The following GSTM4 variants were observed in gnomAD, a reference collection of about 807,000 sequenced individuals.
GSTM4 encodes the protein GST class-mu 4.
Under a neutral mutation model 30.1 loss-of-function variants are expected in GSTM4, and 27 were observed. The observed-to-expected ratio is 0.90, with a 90% CI of 0.66 to 1.24. The LOEUF (loss-of-function observed/expected upper bound fraction) is 1.24. GSTM4 is among the 50% of genes most tolerant of loss of function. GSTM4 has a pLI of 0.00. For missense variants in GSTM4, 238 were observed against 272.1 expected (o/e 0.87, Z 0.88); for synonymous variants, 94 against 96.2 (o/e 0.98, Z 0.13).
rs1317019065 is a variant in GSTM4 at position 109,656,371 on chromosome 1, A to G, written c.-19A>G. ...AGCCCAGCTGAGGCCTGTCTGCAGAATCGACACCAACCAGCATCATGTCCA... is the reference window on the plus strand; with the variant it reads ...AGCCCAGCTGAGGCCTGTCTGCAGAGTCGACACCAACCAGCATCATGTCCA... On this transcript the variant is annotated 5_prime_UTR_variant, in exon 1 of 8. Transcript: ENST00000369836. The G allele has an allele frequency of 8.1e-6, 13 of 1,611,114 alleles. No homozygotes were observed. Among genetic ancestry groups the G allele is most frequent in the Non-Finnish European group, 1.1e-5 (13 of 1,177,922 alleles).
Position 109,661,300 on chromosome 1 carries a change from T to C in GSTM4, c.*46T>C. The C allele has an allele frequency of 6.2e-7, 1 of 1,612,616 alleles. No homozygotes were observed. Among genetic ancestry groups the C allele is most frequent in the Non-Finnish European group, 8.5e-7 (1 of 1,179,262 alleles). ...GGGAGTGAGGAGCCCATACTCAGCC[T>C]GCTGCCCAGGCTGTGCAGCGCAGCT... is the stretch of plus-strand genomic sequence containing the variant. On this transcript the variant is annotated 3_prime_UTR_variant, in exon 8 of 8. Coordinates refer to ENST00000369836, the MANE Select transcript of GSTM4 (RefSeq NM_000850.5).
In GSTM4 at chr1:109,658,800, G is replaced by C; in HGVS notation, c.361-14G>C. 1 of 1,601,076 alleles carries C rather than the reference G, an allele frequency of 6.2e-7. No individual in the cohort carries two copies. Among genetic ancestry groups the C allele is most frequent in the South Asian group, 1.1e-5 (1 of 90,794 alleles). ...CTTGTGTCTGAGGGTGGTGACAGCT[G>C]TTTTCTGCCTCAGGAGAAACTGAAG... On this transcript the variant is annotated splice_polypyrimidine_tract_variant and intron_variant, in intron 5 of 7. Coordinates refer to ENST00000369836, the MANE Select transcript of GSTM4 (RefSeq NM_000850.5).
At position 109,657,786 on chromosome 1, in the gene GSTM4, G is replaced by A. The variant is rs775301500; in HGVS notation, c.274G>A (p.Glu92Lys). Residue 92 changes from glutamate (E) to lysine (K), a missense_variant, in exon 5 of 8, where the codon GAG becomes AAG. By Grantham distance (56) the Glu-to-Lys change is moderately conservative. Transcript: ENST00000369836. ...GTGGGTGGCAGGTGGGGAGACAGAA[G>A]AGGAGAAGATTCGTGTGGACATTTT... ...RKHNLCGETE[E>K]EKIRVDILEN... 10 of 1,614,064 alleles carry A rather than the reference G, an allele frequency of 6.2e-6. No homozygotes were observed. The highest frequency in any genetic ancestry group is 1.3e-5 in the African/African-American group (1 of 74,930).
At chr1:109,657,488 G>A in intron 3 of GSTM4, 102 bp from the exon 4 acceptor site, 1 of 1,547,244 alleles carries the variant, frequency 6.5e-7, no homozygotes, top group Non-Finnish European at 8.9e-7. Flanking sequence ...CCATGAGCGG[G>A]CACAGTGAGT....
chr1:109,658,220 A>T (rs1652125870), intron 5 of GSTM4: 1 of 328,094 alleles, frequency 3.0e-6, no homozygotes, highest in Non-Finnish European at 5.7e-6. Flanking sequence ...GGGGTAAAGA[A>T]GTATGTAGTG....
At chr1:109,659,514 C>G in intron 7 of GSTM4, 1 of 686,704 alleles carries the variant, frequency 1.5e-6, no homozygotes, top group East Asian at 3.2e-5. Context: ...TTGGAAGAGG[C>G]AGAGAACTTT....
downstream of GSTM4, among the ~76,000 whole-genome samples, chr1:109,663,596 C>T (rs1274358138): frequency 6.6e-6 from 1 of 151,782 alleles, no homozygotes; most frequent in South Asian, 2.1e-4. Flanking sequence ...ACCCAGGAGG[C>T]AGAGGTTGCA....
At chr1:109,658,570 G>A in intron 5 of GSTM4, 1 of 524,582 alleles carries the variant, frequency 1.9e-6, no homozygotes, top group South Asian at 2.4e-5. Flanking sequence ...GGGTGGTTGG[G>A]AGGTCAGTGG....
chr1:109,663,521 C>T (rs970250331), downstream of GSTM4, among the ~76,000 whole-genome samples: 1 of 152,108 alleles, frequency 6.6e-6, no homozygotes, highest in African/African-American at 2.4e-5. Context: ...CAAAAATCAG[C>T]CAGGCGTGGT....
Position 109,656,790 on chromosome 1 carries a change from A to G in GSTM4, c.112+3A>G, listed in dbSNP as rs1472821156. 1.9e-6 allele frequency: 3 copies of G among 1,613,294 alleles called. No homozygotes were observed. The African/African-American group carries it at 4.0e-5, about 22-fold the overall frequency. ...AAAGAAGTATACGATGGGGGACGGT[A>G]ATGACACCCTTGTGTCCGGGCTCTG... is the stretch of plus-strand genomic sequence containing the variant. On this transcript the variant is annotated splice_donor_region_variant and intron_variant, in intron 2 of 7. Coordinates refer to ENST00000369836, the MANE Select transcript of GSTM4 (RefSeq NM_000850.5).
At chr1:109,664,293 A>G (rs1189049245), downstream of GSTM4, among the ~76,000 whole-genome samples, 2 of 136,686 alleles carry the variant, frequency 1.5e-5, no homozygotes, top group African/African-American at 5.3e-5. Context: ...AAAGGTGAGA[A>G]TGGTGTTATG....
At chr1:109,666,056 G>A (rs1261789112), downstream of GSTM4, among the ~76,000 whole-genome samples, 1 of 152,174 alleles carries the variant, frequency 6.6e-6, no homozygotes, top group Non-Finnish European at 1.5e-5. Flanking sequence ...TTCTACACAC[G>A]ATAGTCAGGT....
chr1:109,658,509 T>G (rs1442074042), intron 5 of GSTM4: 1 of 384,434 alleles, frequency 2.6e-6, no homozygotes, highest in Non-Finnish European at 4.7e-6. Context: ...TGCTCATGTC[T>G]GGGTCCAGAG....
chr1:109,656,262 G>C lies in GSTM4; in HGVS notation c.-128G>C, dbSNP rs1443847031. 3.4e-5 allele frequency: 30 copies of C among 875,744 alleles called. No individual in the cohort carries two copies. The highest frequency in any genetic ancestry group is 1.9e-4 in the South Asian group (14 of 74,422). 54.2% of individuals were successfully genotyped at this position (875,744 alleles called of 1,614,324 possible). A position where few individuals can be genotyped will look rare whatever the true frequency, so the allele number is the denominator to read the frequency against. ...GTTGGAAGTGACGACCTTGAAGATC[G>C]GCGGGCGCAGCGGGGCCGAGGGGGC... On this transcript the variant is annotated 5_prime_UTR_variant, in exon 1 of 8. Transcript: ENST00000369836.
In GSTM4 at chr1:109,661,302, C is replaced by G. The variant is rs371390426; in HGVS notation, c.*48C>G. The G allele has an allele frequency of 2.5e-6, 4 of 1,612,278 alleles. No individual in the cohort carries two copies. Among genetic ancestry groups the G allele is most frequent in the Non-Finnish European group, 2.5e-6 (3 of 1,179,058 alleles). On this transcript the variant is annotated 3_prime_UTR_variant, in exon 8 of 8. Coordinates refer to ENST00000369836, the MANE Select transcript of GSTM4 (RefSeq NM_000850.5). ...GAGTGAGGAGCCCATACTCAGCCTG[C>G]TGCCCAGGCTGTGCAGCGCAGCTGG...
At chr1:109,657,099 T>C in intron 2 of GSTM4, 116 bp from the exon 3 acceptor site, 2 of 1,047,124 alleles carry the variant, frequency 1.9e-6, no homozygotes, top group East Asian at 2.4e-5. Flanking sequence ...GACTGAGTGG[T>C]CAGATTCTAG....
rs1301539982 is a variant in GSTM4 at position 109,657,290 on chromosome 1, G to C, written c.177+11G>C. Reference sequence around the variant, plus strand: ...CTGGACTTTCCCAATGTAGGTGCAGGGGAAGGGGCGGTTTTGGGGGAAAGT... The same window carrying C: ...CTGGACTTTCCCAATGTAGGTGCAGCGGAAGGGGCGGTTTTGGGGGAAAGT... On this transcript the variant is annotated intron_variant, in intron 3 of 7. Transcript: ENST00000369836. The C allele has an allele frequency of 6.2e-7, 1 of 1,612,120 alleles. No individual in the cohort carries two copies. The highest frequency in any genetic ancestry group is 8.5e-7 in the Non-Finnish European group (1 of 1,179,714).
At position 109,656,196 on chromosome 1, in the gene GSTM4, C is replaced by T. The variant is rs375771524; in HGVS notation, c.-194C>T. On this transcript the variant is annotated 5_prime_UTR_variant, in exon 1 of 8. Coordinates refer to ENST00000369836, the MANE Select transcript of GSTM4 (RefSeq NM_000850.5). ...ATCCAGCAACCTGCTCCGTGCCTCC[C>T]GCGCCTGTTGGTTGGAAGTGACGAC... is the stretch of plus-strand genomic sequence containing the variant. The T allele has an allele frequency of 1.4e-4, 89 of 641,690 alleles. No individual in the cohort carries two copies. The African/African-American group carries it at 1.6e-3, about 11-fold the overall frequency. The allele number at this position is 641,690 out of a possible 1,614,324, so 39.7% of individuals were successfully genotyped here.
At chr1:109,659,229 T>C (rs1255715585) in intron 7 of GSTM4, 119 bp downstream of exon 7, 2 of 1,613,580 alleles carry the variant, frequency 1.2e-6, no homozygotes, top group East Asian at 2.2e-5. Context: ...GCTGGCTTCA[T>C]GCCAGGAACC....
Sources: gnomAD v4.1 joint callset for allele counts (sites outside exome capture counted in the v4.1 genomes callset) on GRCh38, gnomAD v4.1.1 for gene constraint, MANE v1.5 for transcripts, NCBI Gene and HGNC (gene_info 2026-07-23, HGNC 2026-07-21) for gene names.